The following SRRM2 variants were observed in gnomAD, a reference collection of about 807,000 sequenced individuals.
SRRM2 encodes serine/arginine repetitive matrix protein 2.
A neutral mutation model predicts 213.8 loss-of-function variants in SRRM2; 30 were observed. That is an observed-to-expected ratio of 0.14 (90% CI 0.10 to 0.19). The LOEUF is 0.19. Among genes scored for constraint, SRRM2 ranks in the 10% least tolerant of loss-of-function variants. The pLI is 1.00. For synonymous variants in SRRM2, 2,025 were observed against 1,377.7 expected (o/e 1.47, Z -10.40); for missense variants, 4,904 against 3,647.0 (o/e 1.34, Z -8.88).
In SRRM2 at chr16:2,765,301, A is replaced by G; in HGVS notation, c.4773A>G (p.Leu1591=). The G allele has an allele frequency of 1.2e-6, 2 of 1,614,130 alleles. No homozygotes were observed. Residue 1591 remains leucine, a synonymous_variant, in exon 11 of 15, where the codon CTA becomes CTG. Transcript: ENST00000301740. ...SSPEVDSKSR[L]SPRRSRSGSS... is the part of the protein sequence containing the mutation. The stretch of plus-strand genomic sequence containing the variant: ...CAGAGGTTGACAGCAAATCTCGACT[A>G]TCCCCTCGGCGCAGTAGGTCTGGTT...
chr16:2,754,755 TGAG>T (rs1767374338), intron 1 of SRRM2, among the ~76,000 whole-genome samples: 1 of 152,234 alleles, frequency 6.6e-6, no homozygotes, highest in Non-Finnish European at 1.5e-5. Flanking sequence ...TTTTAAACCG[TGAG>T]GAGGATTGGT....
At position 2,761,742 on chromosome 16, in the gene SRRM2, C is replaced by T. The variant is rs201162789; in HGVS notation, c.1214C>T (p.Pro405Leu). 2.6e-5 allele frequency: 42 copies of T among 1,612,386 alleles called. No homozygotes were observed. The African/African-American group carries it at 2.8e-4, about 11-fold the overall frequency. Residue 405 changes from proline to leucine, a missense_variant, in exon 11 of 15, where the codon CCA becomes CTA. Coordinates refer to ENST00000301740, the MANE Select transcript of SRRM2 (RefSeq NM_016333.4). ...GCCTCTCCAACTCGGGACCGTTCAC[C>T]ACCTAAGTCTCCCGAGAAACTTCCC... ...SEASPTRDRSPPKSPEKLPQS... is the reference protein window; with the variant it reads ...SEASPTRDRSLPKSPEKLPQS...
Position 2,767,375 on chromosome 16 carries a change from A to C in SRRM2, c.6847A>C (p.Asn2283His), listed in dbSNP as rs867268164. 6.2e-7 allele frequency: 1 copy of C among 1,613,768 alleles called. No individual in the cohort carries two copies. Among genetic ancestry groups the C allele is most frequent in the African/African-American group, 1.3e-5 (1 of 74,920 alleles). The change falls in exon 11 of 15, where the codon AAC (asparagine) becomes CAC (histidine). Residue 2283 changes from asparagine to histidine, a missense_variant. Physicochemically the swap from Asn to His is moderately conservative, Grantham distance 68. Coordinates refer to ENST00000301740, the MANE Select transcript of SRRM2 (RefSeq NM_016333.4). The stretch of plus-strand genomic sequence containing the variant: ...AACAGCGGTGGCACCTTCGGCTGTG[A>C]ACCTGGCTGACCCTCGCACTCCCAC... The part of the protein sequence containing the change: ...PRTAVAPSAV[N>H]LADPRTPTAP...
chr16:2,759,467 G>T, intron 8 of SRRM2, 65 bp downstream of exon 8: 1 of 1,597,538 alleles, frequency 6.3e-7, no homozygotes, highest in South Asian at 1.1e-5. Flanking sequence ...GGAGGGAGTT[G>T]AATGAGTTAT....
At position 2,766,375 on chromosome 16, in the gene SRRM2, A is replaced by T. The variant is rs752354097; in HGVS notation, c.5847A>T (p.Arg1949Ser). The T allele has an allele frequency of 6.2e-7, 1 of 1,610,512 alleles. No individual in the cohort carries two copies. Among genetic ancestry groups the T allele is most frequent in the South Asian group, 1.1e-5 (1 of 90,900 alleles). ...CAACACGCCGCCGCTCCCGTTCTAG[A>T]ACTCCACCAGTGACTCGCAGAAGGT... ...TPTTRRRSRS[R>S]TPPVTRRRSR... is the part of the protein sequence containing the mutation. Residue 1949 changes from arginine (R) to serine (S), a missense_variant, in exon 11 of 15, where the codon AGA becomes AGT. Coordinates refer to ENST00000301740, the MANE Select transcript of SRRM2 (RefSeq NM_016333.4). This position sits in a 1 kb window ranked among gnomAD's most constrained non-coding sequence, Gnocchi z 7.0.
chr16:2,770,071 C>T, intron 12 of SRRM2: 2 of 1,231,570 alleles, frequency 1.6e-6, no homozygotes, highest in Non-Finnish European at 2.2e-6. Context: ...TCCAGCCCTG[C>T]TTCCCACACA....
Position 2,767,877 on chromosome 16 carries a change from C to T in SRRM2, c.7349C>T (p.Pro2450Leu). 6.2e-7 allele frequency: 1 copy of T among 1,614,194 alleles called. No homozygotes were observed. Among genetic ancestry groups the T allele is most frequent in the Non-Finnish European group, 8.5e-7 (1 of 1,180,030 alleles). The stretch of plus-strand genomic sequence containing the variant: ...CCAGCACAGGATCAGCCGAGGTCTC[C>T]TGTGCCTTCTGCTTTTTCAGACCAA... ...LPPAQDQPRS[P>L]VPSAFSDQSR... The change falls in exon 11 of 15, where the codon CCT becomes CTT. Residue 2450 changes from proline to leucine, a missense_variant. Pro to Leu is a moderately conservative substitution (Grantham distance 98). Transcript: ENST00000301740.
chr16:2,758,912 G>A (rs1225078196), intron 5 of SRRM2, 73 bp from the exon 6 acceptor site: 8 of 1,565,674 alleles, frequency 5.1e-6, no homozygotes, highest in Non-Finnish European at 7.0e-6. Context: ...AACCTTTTTA[G>A]GAGAGAGATT....
Position 2,765,054 on chromosome 16 carries a change from G to A in SRRM2, c.4526G>A (p.Cys1509Tyr). ...SPSSPELNNKCLTPQRERSGS... is the reference protein window; with the variant it reads ...SPSSPELNNKYLTPQRERSGS... ...TCATCCCCAGAGCTCAACAACAAGT[G>A]TCTTACCCCCCAGAGAGAAAGAAGC... Residue 1509 changes from cysteine to tyrosine, a missense_variant, in exon 11 of 15, where the codon TGT becomes TAT. By Grantham distance (194) the Cys-to-Tyr change is radical (BLOSUM62 -2). Coordinates refer to ENST00000301740, the MANE Select transcript of SRRM2 (RefSeq NM_016333.4). 2 of 1,614,002 alleles carry A rather than the reference G, an allele frequency of 1.2e-6. No individual in the cohort carries two copies. The highest frequency in any genetic ancestry group is 8.5e-7 in the Non-Finnish European group (1 of 1,180,024).
At chr16:2,761,441 C>T (rs2068344232) in intron 10 of SRRM2, 120 bp from the exon 11 acceptor site, 1 of 737,154 alleles carries the variant, frequency 1.4e-6, no homozygotes, top group Non-Finnish European at 2.1e-6. Context: ...AAAGTGATCG[C>T]TTGTGGTCAG....
intron 1 of SRRM2, among the ~76,000 whole-genome samples, chr16:2,755,531 C>T (rs367683110): frequency 6.6e-6 from 1 of 152,028 alleles, no homozygotes; most frequent in Non-Finnish European, 1.5e-5. Flanking sequence ...GCTGGCAAGA[C>T]AGGGAGGAAC....
chr16:2,761,699 G>A lies in SRRM2; in HGVS notation c.1171G>A (p.Val391Met), dbSNP rs770555425. 6.9e-6 allele frequency: 11 copies of A among 1,604,834 alleles called. No homozygotes were observed. The highest frequency in any genetic ancestry group is 7.7e-6 in the Non-Finnish European group (9 of 1,175,496). ...AACCACCCCCTTAAGCCAGGAGCCAGTGAACCCCCCATCTGAGGCCTCTCC... is the reference window on the plus strand; with the variant it reads ...AACCACCCCCTTAAGCCAGGAGCCAATGAACCCCCCATCTGAGGCCTCTCC... ...LATTPLSQEPVNPPSEASPTR... is the reference protein window; with the variant it reads ...LATTPLSQEPMNPPSEASPTR... Residue 391 changes from valine to methionine, a missense_variant, in exon 11 of 15, where the codon GTG becomes ATG. Transcript: ENST00000301740.
Position 2,765,408 on chromosome 16 carries a change from C to T in SRRM2, c.4880C>T (p.Pro1627Leu). Reference sequence around the variant, plus strand: ...GATTCCTCTCCTGAACCTAAAGCTCCAGCCCCTCGGGCCCTTCCCAGACGA... The same window carrying T: ...GATTCCTCTCCTGAACCTAAAGCTCTAGCCCCTCGGGCCCTTCCCAGACGA... Reference protein sequence around the residue: ...GSDSSPEPKAPAPRALPRRSR... With the variant: ...GSDSSPEPKALAPRALPRRSR... The change falls in exon 11 of 15, where the codon CCA becomes CTA. Residue 1627 changes from proline to leucine, a missense_variant. Transcript: ENST00000301740. 1.2e-6 allele frequency: 2 copies of T among 1,614,156 alleles called. No individual in the cohort carries two copies. The highest frequency in any genetic ancestry group is 1.1e-5 in the South Asian group (1 of 91,080).
intron 1 of SRRM2, among the ~76,000 whole-genome samples, chr16:2,755,156 T>C (rs1038291283): frequency 6.6e-6 from 1 of 152,168 alleles, no homozygotes; most frequent in Non-Finnish European, 1.5e-5. Flanking sequence ...AGAGAGTATA[T>C]GTAATAGGAG....
At position 2,766,629 on chromosome 16, in the gene SRRM2, C is replaced by T. The variant is rs2068554402; in HGVS notation, c.6101C>T (p.Thr2034Met). ...ATTCGGCGCCGCTCTAGATCTCGAA[C>T]GCCACTGTTACCACGCAAACGTTCT... ...PAIRRRSRSR[T>M]PLLPRKRSRS... is the part of the protein sequence containing the mutation. Residue 2034 changes from threonine to methionine, a missense_variant, in exon 11 of 15, where the codon ACG becomes ATG. Thr to Met is a moderately conservative substitution (Grantham distance 81, BLOSUM62 -1). Coordinates refer to ENST00000301740, the MANE Select transcript of SRRM2 (RefSeq NM_016333.4). This position sits in a 1 kb window ranked among gnomAD's most constrained non-coding sequence, Gnocchi z 7.0. The T allele has an allele frequency of 6.2e-7, 1 of 1,613,798 alleles. No homozygotes were observed. Among genetic ancestry groups the T allele is most frequent in the Non-Finnish European group, 8.5e-7 (1 of 1,179,866 alleles).
chr16:2,769,379 CGTG>C (rs1596295763), intron 12 of SRRM2, 95 bp downstream of exon 12: 2 of 1,415,494 alleles, frequency 1.4e-6, no homozygotes, highest in East Asian at 4.6e-5. Context: ...GGGTGTCTCA[CGTG>C]GCCTTGGGCA....
intron 1 of SRRM2, among the ~76,000 whole-genome samples, chr16:2,755,019 C>T (rs1251566436): frequency 6.6e-6 from 1 of 152,236 alleles, no homozygotes; most frequent in Non-Finnish European, 1.5e-5. Flanking sequence ...TCCTTCCCTT[C>T]TATCCAGTTC....
In SRRM2 at chr16:2,769,001, C is replaced by G; in HGVS notation, c.7738C>G (p.Pro2580Ala). The change falls in exon 12 of 15, where the codon CCC (proline) becomes GCC (alanine). Residue 2580 changes from proline (P) to alanine (A), a missense_variant. Pro to Ala is a conservative substitution (Grantham distance 27). Transcript: ENST00000301740. The part of the protein sequence containing the change: ...VQPEVALKRV[P>A]SPTPAPKEAV... ...GACACTCCTCTCCTCCCACAGGGTCCCCAGCCCCACCCCAGCCCCAAAGGA... is the reference window on the plus strand; with the variant it reads ...GACACTCCTCTCCTCCCACAGGGTCGCCAGCCCCACCCCAGCCCCAAAGGA... 1 of 1,613,364 alleles carries G rather than the reference C, an allele frequency of 6.2e-7. No homozygotes were observed. The highest frequency in any genetic ancestry group is 8.5e-7 in the Non-Finnish European group (1 of 1,179,552).
chr16:2,768,150 G>T lies in SRRM2; in HGVS notation c.7622G>T (p.Ser2541Ile). The T allele has an allele frequency of 6.2e-7, 1 of 1,613,416 alleles. No homozygotes were observed. Among genetic ancestry groups the T allele is most frequent in the East Asian group, 2.2e-5 (1 of 44,868 alleles). ...TCCTCCTCGTCGTCGTCGTCCTCTA[G>T]CTCCTCCTCTTCTTCATCATCGTCG... ...RSSSSSSSSS[S>I]SSSSSSSSSS... The change falls in exon 11 of 15, where the codon AGC (serine) becomes ATC (isoleucine). Residue 2541 changes from serine (S) to isoleucine (I), a missense_variant. Physicochemically the swap from Ser to Ile is moderately radical, Grantham distance 142 (BLOSUM62 -2). Transcript: ENST00000301740.
Sources: gnomAD v4.1 joint callset for allele counts (sites outside exome capture counted in the v4.1 genomes callset) on GRCh38, gnomAD v4.1.1 for gene constraint, Gnocchi (gnomAD v3.1) non-coding constraint, MANE v1.5 for transcripts, NCBI Gene and HGNC (gene_info 2026-07-23, HGNC 2026-07-21) for gene names.